Variants in TPTE observed in about 807,000 individuals in gnomAD.
TPTE encodes putative tyrosine-protein phosphatase TPTE.
TPTE carries 59 observed loss-of-function variants against 84.1 expected under a neutral mutation model. The observed-to-expected ratio is 0.70, with a 90% CI of 0.57 to 0.87. The LOEUF is 0.87. TPTE is among the 40% of genes least tolerant of loss of function. The pLI is 0.00. For missense variants in TPTE, 382 were observed against 659.6 expected, an observed-to-expected ratio of 0.58 and a Z score of 4.61; for synonymous variants, 130 against 223.5, an observed-to-expected ratio of 0.58 and a Z score of 3.73.
chr21:10,546,611 C>T (rs1433219649), intron 7 of TPTE, among the ~76,000 whole-genome samples: 1 of 152,308 alleles, frequency 6.6e-6, no homozygotes, highest in Non-Finnish European at 1.5e-5. Context: ...AAAATTAAGA[C>T]TGCTACTCCA....
chr21:10,597,922 T>G, intron 20 of TPTE, 93 bp from the exon 21 acceptor site: 1 of 1,493,970 alleles, frequency 6.7e-7, no homozygotes, highest in Non-Finnish European at 9.2e-7. Flanking sequence ...CTTGGATAAT[T>G]TTTTCTCATT....
chr21:10,601,260 T>C (rs1164582630), intron 21 of TPTE, among the ~76,000 whole-genome samples: 6 of 152,312 alleles, frequency 3.9e-5, no homozygotes, highest in Non-Finnish European at 7.3e-5. Flanking sequence ...ATCCCAGCAC[T>C]TTGGGAGGCC....
At chr21:10,525,391 C>G (rs1204736992) in intron 2 of TPTE, among the ~76,000 whole-genome samples, 1 of 152,420 alleles carries the variant, frequency 6.6e-6, no homozygotes, top group Admixed American at 6.5e-5. Flanking sequence ...ATGGTCCTAT[C>G]TCCAGGAACG....
chr21:10,565,733 A>G (rs1365938263), intron 10 of TPTE, among the ~76,000 whole-genome samples: 1 of 152,310 alleles, frequency 6.6e-6, no homozygotes, highest in African/African-American at 2.4e-5. Flanking sequence ...TTTTTCATAA[A>G]TGTGCCAAGA....
Position 10,567,764 on chromosome 21 carries a change from A to G in TPTE, c.541A>G (p.Ile181Val), listed in dbSNP as rs367969920. Residue 181 changes from isoleucine (I) to valine (V), a missense_variant, in exon 11 of 24, where the codon ATT (isoleucine) becomes GTT (valine). This residue lies in a region of TPTE where 85 missense variants were observed against 230.9 expected (regional missense o/e 0.37). Coordinates refer to ENST00000618007, the MANE Select transcript of TPTE (RefSeq NM_199261.4). ...LVDVVYIFFD[I>V]KLLRNIPRWT... is the part of the protein sequence containing the mutation. ...TGATGTCGTTTACATTTTTTTTGAC[A>G]TTAAGTTGCTTAGGAATATTCCCAG... 1.9e-6 allele frequency: 3 copies of G among 1,613,550 alleles called. No homozygotes were observed. Among genetic ancestry groups the G allele is most frequent in the South Asian group, 2.2e-5 (2 of 91,046 alleles).
At chr21:10,593,388 A>AG (rs2075522421) in intron 19 of TPTE, among the ~76,000 whole-genome samples, 2 of 152,308 alleles carry the variant, frequency 1.3e-5, no homozygotes, top group Admixed American at 1.3e-4. Context: ...TTGAAAATTT[A>AG]GTTTGTTTAA....
intron 7 of TPTE, among the ~76,000 whole-genome samples, chr21:10,549,061 A>G (rs1243005302): frequency 6.6e-6 from 1 of 152,302 alleles, no homozygotes; most frequent in African/African-American, 2.4e-5. Context: ...CTGCACCACC[A>G]TCACTACAAA....
chr21:10,540,873 G>A lies in TPTE; in HGVS notation c.12-239G>A, dbSNP rs1600868781. The A allele has an allele frequency of 1.2e-5, 8 of 665,692 alleles. No homozygotes were observed. In the East Asian group the frequency reaches 2.5e-4, roughly 21 times the overall value. The allele number at this position is 665,692 out of a possible 1,614,324, so 41.2% of individuals were successfully genotyped here. ...AAATGCTGTTACACCTTGAGGTGTA[G>A]ATACCCTTACTTAATCTGCATGCAT... On this transcript the variant is annotated intron_variant, in intron 4 of 23. Coordinates refer to ENST00000618007, the MANE Select transcript of TPTE (RefSeq NM_199261.4).
chr21:10,530,538 T>G (rs1362400877), intron 3 of TPTE, among the ~76,000 whole-genome samples: 2 of 152,302 alleles, frequency 1.3e-5, no homozygotes, highest in Admixed American at 1.3e-4. Flanking sequence ...TTAACTGGTA[T>G]GAAAAATTGC....
chr21:10,529,775 G>T (rs565933132), intron 3 of TPTE, among the ~76,000 whole-genome samples: 548 of 152,094 alleles, frequency 3.6e-3, no homozygotes, highest in African/African-American at 0.013. Context: ...ATCCATGTTG[G>T]GGGGAGATAC....
intron 21 of TPTE, among the ~76,000 whole-genome samples, chr21:10,599,799 T>TTTAGTTAGTTAG (rs71217978): frequency 2.0e-5 from 3 of 150,150 alleles, no homozygotes; most frequent in African/African-American, 7.3e-5. Context: ...ACAACTCTAA[T>TTTAGTTAGTTAG]TTAGTTAGTT....
At chr21:10,523,591 T>C (rs2074026256) in intron 1 of TPTE, among the ~76,000 whole-genome samples, 1 of 152,306 alleles carries the variant, frequency 6.6e-6, no homozygotes, top group South Asian at 2.1e-4. Flanking sequence ...GAGAATGATT[T>C]CCAATTTCAT....
At chr21:10,559,137 G>A (rs544394880) in intron 8 of TPTE, among the ~76,000 whole-genome samples, 2 of 152,426 alleles carry the variant, frequency 1.3e-5, no homozygotes, top group East Asian at 1.9e-4. Flanking sequence ...GCCCAGGCTG[G>A]CATTAAAATA....
chr21:10,555,757 AT>A (rs1376238551), intron 8 of TPTE, among the ~76,000 whole-genome samples: 49 of 152,406 alleles, frequency 3.2e-4, no homozygotes, highest in African/African-American at 1.1e-3. Flanking sequence ...CATCCCTTGC[AT>A]TTTTTGTTGA....
intron 8 of TPTE, among the ~76,000 whole-genome samples, chr21:10,556,533 TTTA>T (rs1214852879): frequency 1.3e-4 from 20 of 152,418 alleles, no homozygotes; most frequent in Non-Finnish European, 1.9e-4. Context: ...AGCAGCATGA[TTTA>T]TAATCCTTTG....
At chr21:10,599,043 A>T (rs1435165871) in intron 21 of TPTE, among the ~76,000 whole-genome samples, 1 of 152,308 alleles carries the variant, frequency 6.6e-6, no homozygotes, top group Non-Finnish European at 1.5e-5. Flanking sequence ...GCACCCGCTG[A>T]GTTGTAGATG....
intron 1 of TPTE, among the ~76,000 whole-genome samples, chr21:10,522,151 C>G (rs1857959): frequency 0.11 from 16,775 of 148,482 alleles, 6 homozygotes; most frequent in African/African-American, 0.23. Context: ...CTTGTCCCCC[C>G]CCAGGATGAC....
chr21:10,585,003 G>GGGCA (rs2075337172), intron 17 of TPTE, among the ~76,000 whole-genome samples: 1 of 152,308 alleles, frequency 6.6e-6, no homozygotes, highest in Non-Finnish European at 1.5e-5. Context: ...GGCCCAGTGG[G>GGGCA]GGCAGATCAC....
chr21:10,532,987 T>C (rs1251101520), intron 3 of TPTE, among the ~76,000 whole-genome samples: 4 of 152,306 alleles, frequency 2.6e-5, no homozygotes, highest in East Asian at 1.9e-4. Flanking sequence ...AAAGCTGATA[T>C]ATTTCTTCTT....
Sources: gnomAD v4.1 joint callset for allele counts (sites outside exome capture counted in the v4.1 genomes callset) on GRCh38, gnomAD v4.1.1 for gene constraint, gnomAD v4.1.1 regional missense constraint, MANE v1.5 for transcripts, NCBI Gene and HGNC (gene_info 2026-07-23, HGNC 2026-07-21) for gene names.